Variants in GRIA1 observed in about 807,000 individuals in gnomAD.
The protein encoded by GRIA1 is glutamate ionotropic receptor AMPA type subunit 1.
A neutral mutation model predicts 99.2 loss-of-function variants in GRIA1; 31 were observed. The ratio of observed to expected loss-of-function variants is 0.31; its 90% confidence interval spans 0.23 to 0.42. The LOEUF (loss-of-function observed/expected upper bound fraction) is 0.42, where lower values mean the gene tolerates loss of function less well. GRIA1 is among the 10% of genes least tolerant of loss of function. The pLI is 1.00. For synonymous variants in GRIA1, 438 were observed against 432.4 expected (o/e 1.01, Z -0.16); for missense variants, 782 against 1,157.5 (o/e 0.68, Z 4.71).
At chr5:153,537,028 T>A (rs1389286) in intron 2 of GRIA1, among the ~76,000 whole-genome samples, 70,846 of 152,092 alleles carry the variant, frequency 0.47, 18,202 homozygotes, top group Non-Finnish European at 0.59. Flanking sequence ...CTACCCATTT[T>A]GTAGAGAGAG....
chr5:153,497,270 G>C (rs1004999549), intron 2 of GRIA1, among the ~76,000 whole-genome samples: 5 of 152,138 alleles, frequency 3.3e-5, no homozygotes, highest in Non-Finnish European at 7.3e-5. Context: ...GCATAGAGAA[G>C]ATATTTACTG....
chr5:153,807,880 C>G (rs1043642349), intron 15 of GRIA1, among the ~76,000 whole-genome samples: 2 of 152,226 alleles, frequency 1.3e-5, no homozygotes, highest in Non-Finnish European at 2.9e-5. Flanking sequence ...CTCTCACCCC[C>G]ACTAGAGATG....
At chr5:153,522,026 G>A (rs1001143634) in intron 2 of GRIA1, among the ~76,000 whole-genome samples, 37 of 152,248 alleles carry the variant, frequency 2.4e-4, no homozygotes, top group Non-Finnish European at 2.5e-4. Context: ...CCCAGACACT[G>A]AGTTTTCTCA....
intron 13 of GRIA1, among the ~76,000 whole-genome samples, chr5:153,785,172 A>G (rs1764895238): frequency 6.6e-6 from 1 of 152,134 alleles, no homozygotes; most frequent in South Asian, 2.1e-4. Flanking sequence ...ACAGAGGGAG[A>G]ACTGTGCACC....
rs536868773 is a variant in GRIA1 at position 153,648,846 on chromosome 5, C to A, written c.461-1484C>A. On this transcript the variant is annotated intron_variant, in intron 3 of 15. Coordinates refer to ENST00000285900, the MANE Select transcript of GRIA1 (RefSeq NM_000827.4). Reference sequence around the variant, plus strand: ...GAATAATTAATAATGACACCCCCCCCCAAGATGTTCATGTTGCAATCGCTA... The same window carrying A: ...GAATAATTAATAATGACACCCCCCCACAAGATGTTCATGTTGCAATCGCTA... Among the ~76,000 whole-genome samples the A allele has an allele frequency of 3.3e-5, 5 of 151,904 alleles. No homozygotes were observed. In the South Asian group the frequency reaches 8.3e-4, roughly 25 times the overall value.
At position 153,737,284 on chromosome 5, in the gene GRIA1, C is replaced by A. The variant is rs1297371393; in HGVS notation, c.1824-27150C>A. On this transcript the variant is annotated intron_variant, in intron 11 of 15. Transcript: ENST00000285900. ...ATTTTTCTGGGGACGTGTCTGGCAA[C>A]CCCGGTAAAAAAAAAAAAAAAAAAA... Among the ~76,000 whole-genome samples the A allele has an allele frequency of 2.3e-5, 3 of 128,238 alleles. No homozygotes were observed. In the East Asian group the frequency reaches 6.2e-4, roughly 26 times the overall value. The allele number at this position is 128,238 out of a possible 152,430, so 84.1% of individuals were successfully genotyped here. A position where few individuals can be genotyped will look rare whatever the true frequency, so the allele number is the denominator to read the frequency against.
intron 7 of GRIA1, among the ~76,000 whole-genome samples, chr5:153,680,309 G>C (rs1756883956): frequency 6.6e-6 from 1 of 151,898 alleles, no homozygotes; most frequent in African/African-American, 2.4e-5. Context: ...TTGCCATCTA[G>C]GGAGTCATTC....
At chr5:153,554,326 T>TG (rs1249141173) in intron 2 of GRIA1, among the ~76,000 whole-genome samples, 1 of 152,198 alleles carries the variant, frequency 6.6e-6, no homozygotes, top group Non-Finnish European at 1.5e-5. Flanking sequence ...AATGCTGTCA[T>TG]GGTGAATTCA....
upstream of GRIA1, chr5:153,489,825 G>A (rs1323076070): frequency 2.2e-6 from 1 of 456,554 alleles, no homozygotes; most frequent in Non-Finnish European, 4.4e-6. Flanking sequence ...AATGACTCAT[G>A]TAATTGCTCT....
chr5:153,695,455 C>T lies in GRIA1; in HGVS notation c.1135-2589C>T, dbSNP rs1186281487. Among the ~76,000 whole-genome samples, 6 of 152,194 alleles carry T rather than the reference C, an allele frequency of 3.9e-5. No homozygotes were observed. The East Asian group carries it at 9.6e-4, about 24-fold the overall frequency. The stretch of plus-strand genomic sequence containing the variant: ...AAGGATGAGGAAGCCAGAGCTCTCT[C>T]CTCTTCACTGCCCCTCACCACCTTC... On this transcript the variant is annotated intron_variant, in intron 8 of 15. Coordinates refer to ENST00000285900, the MANE Select transcript of GRIA1 (RefSeq NM_000827.4).
rs57078507 is a variant in GRIA1, at chr5:153,603,314, G to T, written c.221-43614G>T. On this transcript the variant is annotated intron_variant, in intron 2 of 15. Coordinates refer to ENST00000285900, the MANE Select transcript of GRIA1 (RefSeq NM_000827.4). The stretch of plus-strand genomic sequence containing the variant: ...ATATGTGCCACATTTTCTTAATCCA[G>T]TCTATCATTGTTGGACATTTGGGTT... Among the ~76,000 whole-genome samples the T allele has an allele frequency of 3.3e-3, 500 of 152,174 alleles. 4 individuals carry two copies. The highest frequency in any genetic ancestry group is 0.011 in the African/African-American group (462 of 41,522).
intron 4 of GRIA1, among the ~76,000 whole-genome samples, chr5:153,652,228 G>C (rs1754625094): frequency 6.6e-6 from 1 of 152,078 alleles, no homozygotes; most frequent in Admixed American, 6.6e-5. Context: ...TGATAAAAAG[G>C]CAAGATAACA....
At chr5:153,725,449 C>A (rs199827759) in intron 11 of GRIA1, among the ~76,000 whole-genome samples, 1 of 120,390 alleles carries the variant, frequency 8.3e-6, no homozygotes, top group East Asian at 3.4e-4. Context: ...AGACACAGAG[C>A]GGCAAATTGG....
intron 14 of GRIA1, among the ~76,000 whole-genome samples, chr5:153,798,265 C>T (rs546694828): frequency 6.6e-6 from 1 of 152,184 alleles, no homozygotes; most frequent in Admixed American, 6.5e-5. Context: ...AACCACTCAG[C>T]CTTCACTCCC....
chr5:153,608,543 A>C (rs1425348513), intron 2 of GRIA1, among the ~76,000 whole-genome samples: 1 of 152,054 alleles, frequency 6.6e-6, no homozygotes, highest in Non-Finnish European at 1.5e-5. Context: ...TGTCTATTGA[A>C]TTTTAGATGC....
At chr5:153,655,395 C>T (rs916429750) in intron 4 of GRIA1, among the ~76,000 whole-genome samples, 4 of 152,110 alleles carry the variant, frequency 2.6e-5, no homozygotes, top group Non-Finnish European at 4.4e-5. Context: ...TTCCAATCAG[C>T]GAATATTGTC....
intron 2 of GRIA1, among the ~76,000 whole-genome samples, chr5:153,623,921 G>C (rs930789218): frequency 2.0e-5 from 3 of 151,968 alleles, no homozygotes; most frequent in African/African-American, 7.2e-5. Context: ...TTGAAGTCTC[G>C]TTGAATATGG....
chr5:153,622,559 G>C (rs1767156062), intron 2 of GRIA1, among the ~76,000 whole-genome samples: 1 of 150,580 alleles, frequency 6.6e-6, no homozygotes, highest in African/African-American at 2.4e-5. Flanking sequence ...CTGGCAGCTT[G>C]AAAGAAATAG....
At chr5:153,808,284 A>T (rs1766574094) in intron 15 of GRIA1, among the ~76,000 whole-genome samples, 1 of 152,104 alleles carries the variant, frequency 6.6e-6, no homozygotes, top group Admixed American at 6.5e-5. Context: ...TCAAGGATGA[A>T]CTTTAAGAAT....
Sources: allele counts gnomAD v4.1 joint callset (sites outside exome capture counted in the v4.1 genomes callset), GRCh38; gene constraint gnomAD v4.1.1; transcripts MANE v1.5; gene names NCBI Gene and HGNC (gene_info 2026-07-23, HGNC 2026-07-21).